The following LRCH2 variants were observed in gnomAD, a reference collection of about 807,000 sequenced individuals.
LRCH2 encodes the protein leucine-rich repeat and calponin homology domain-containing protein 2.
LRCH2 carries 38 observed loss-of-function variants against 68.9 expected under a neutral mutation model. The observed-to-expected ratio is 0.55, with a 90% CI of 0.43 to 0.72. The LOEUF is 0.72. Among genes scored for constraint, LRCH2 ranks in the 30% least tolerant of loss-of-function variants. The pLI, the probability that LRCH2 is intolerant of heterozygous loss-of-function variation, is 0.00. For missense variants in LRCH2, 528 were observed against 572.9 expected, an observed-to-expected ratio of 0.92 and a Z score of 0.80; for synonymous variants, 191 against 208.1, an observed-to-expected ratio of 0.92 and a Z score of 0.71.
chrX:115,170,264 A>G (rs782765537), intron 6 of LRCH2, 35 bp downstream of exon 6: 2 of 1,121,157 alleles, frequency 1.8e-6, no homozygotes, highest in Non-Finnish European at 1.2e-6. Context: ...AGAAGACAGC[A>G]ATCATCAAAT....
chrX:115,191,071 A>C (rs1556558660), intron 1 of LRCH2: 1 of 1,161,419 alleles, frequency 8.6e-7, no homozygotes, highest in Admixed American at 2.6e-5. Context: ...TTACGGCCAG[A>C]GCCACCGCTA....
At chrX:115,114,943 A>G (rs1556523655) in intron 20 of LRCH2, among the ~76,000 whole-genome samples, 1 of 111,105 alleles carries the variant, frequency 9.0e-6, no homozygotes, top group Non-Finnish European at 1.9e-5. Flanking sequence ...AATTAAAGAA[A>G]TAATTATATT....
Position 115,175,150 on chromosome X carries a change from GCTTCATTGAGGTTCAGAAAATGATACCC to G in LRCH2, c.864+4249_864+4276del, listed in dbSNP as rs782789396. Among the ~76,000 whole-genome samples, 9 of 112,024 alleles carry G rather than the reference GCTTCATTGAGGTTCAGAAAATGATACCC, an allele frequency of 8.0e-5. No homozygotes were observed. In the South Asian group the frequency reaches 3.4e-3, roughly 42 times the overall value. On this transcript the variant is annotated intron_variant, in intron 5 of 20. Transcript: ENST00000317135. ...TGGCGTGCCCACAGAGGGCACAAAAGCTTCATTGAGGTTCAGAAAATGATACCCCAAAATGAAAGCCTCAGAAGCAAAG... is the reference window on the plus strand; with the variant it reads ...TGGCGTGCCCACAGAGGGCACAAAAGCAAAATGAAAGCCTCAGAAGCAAAG...
intron 5 of LRCH2, among the ~76,000 whole-genome samples, chrX:115,174,568 A>G (rs891847612): frequency 4.2e-5 from 4 of 95,595 alleles, no homozygotes; most frequent in Non-Finnish European, 8.3e-5. Flanking sequence ...AAGGCTGAAT[A>G]ATATTTCATT....
chrX:115,226,920 A>C (rs782343087), intron 1 of LRCH2, among the ~76,000 whole-genome samples: 1 of 110,980 alleles, frequency 9.0e-6, no homozygotes, highest in Non-Finnish European at 1.9e-5. Context: ...CAAACGACCA[A>C]ATCAAATGTT....
chrX:115,179,766 A>C lies in LRCH2; in HGVS notation c.622-15T>G. ...CAGCTAATATCCTAAGGAGAACAAT[A>C]AAACAGAATTATAACAAGCTAACTG... On this transcript the variant is annotated splice_polypyrimidine_tract_variant and intron_variant, in intron 3 of 20. Coordinates refer to ENST00000317135, the MANE Select transcript of LRCH2 (RefSeq NM_020871.4). 1 of 936,409 alleles carries C rather than the reference A, an allele frequency of 1.1e-6. No homozygotes were observed. The highest frequency in any genetic ancestry group is 1.4e-6 in the Non-Finnish European group (1 of 700,418). 77.2% of individuals were successfully genotyped at this position (936,409 alleles called of 1,213,427 possible). A position where few individuals can be genotyped will look rare whatever the true frequency, so the allele number is the denominator to read the frequency against.
intron 1 of LRCH2, among the ~76,000 whole-genome samples, chrX:115,212,823 A>T (rs1556570292): frequency 9.1e-6 from 1 of 109,884 alleles, no homozygotes; most frequent in Non-Finnish European, 1.9e-5. Flanking sequence ...ATACAAAAAA[A>T]TAGCCGAGTG....
At chrX:115,227,230 G>C (rs1192570625) in intron 1 of LRCH2, among the ~76,000 whole-genome samples, 2 of 107,621 alleles carry the variant, frequency 1.9e-5, no homozygotes, top group African/African-American at 6.8e-5. Flanking sequence ...TAGAGCCTGT[G>C]AACAGCCACT....
At chrX:115,190,508 C>T in intron 1 of LRCH2, 3 of 1,167,764 alleles carry the variant, frequency 2.6e-6, no homozygotes, top group Non-Finnish European at 3.4e-6. Flanking sequence ...TTGCCAGACG[C>T]CTACAGCAGG....
At position 115,127,574 on chromosome X, in the gene LRCH2, G is replaced by A. The variant is rs782547902; in HGVS notation, c.1741-681C>T. 8.1e-5 allele frequency among the ~76,000 whole-genome samples: 9 copies of A among 111,089 alleles called. No homozygotes were observed. In the South Asian group the frequency reaches 3.4e-3, roughly 42 times the overall value. ...GACAGAAATAGATTAATGTATACAG[G>A]TAATACAACATTCTCAGTATAATAC... On this transcript the variant is annotated intron_variant, in intron 15 of 20. Transcript: ENST00000317135.
intron 5 of LRCH2, among the ~76,000 whole-genome samples, chrX:115,178,068 G>C (rs1022098553): frequency 8.9e-6 from 1 of 112,175 alleles, no homozygotes; most frequent in Non-Finnish European, 1.9e-5. Context: ...GTACAAATGG[G>C]ATGGTGCTTC....
At chrX:115,142,374 C>G (rs909821202) in intron 14 of LRCH2, among the ~76,000 whole-genome samples, 1 of 112,181 alleles carries the variant, frequency 8.9e-6, no homozygotes, top group Admixed American at 9.4e-5. Flanking sequence ...TTCTTCTCCT[C>G]AGCACATGGA....
intron 1 of LRCH2, among the ~76,000 whole-genome samples, chrX:115,227,314 C>G (rs1369773486): frequency 9.2e-6 from 1 of 108,282 alleles, no homozygotes; most frequent in Non-Finnish European, 1.9e-5. Context: ...AAAAAAGTCT[C>G]CAGATACTGT....
chrX:115,116,284 A>T (rs2072081884), intron 20 of LRCH2, among the ~76,000 whole-genome samples: 1 of 111,751 alleles, frequency 8.9e-6, no homozygotes, highest in Non-Finnish European at 1.9e-5. Flanking sequence ...CATAATAAAC[A>T]ATGAGTGATA....
intron 16 of LRCH2, 141 bp downstream of exon 16, chrX:115,126,702 G>T (rs782425975): frequency 1.2e-4 from 54 of 439,667 alleles, no homozygotes; most frequent in Non-Finnish European, 1.9e-4. Context: ...AAACTAATCT[G>T]CCACGGATTT....
chrX:115,189,309 A>T, intron 1 of LRCH2: 1 of 610,583 alleles, frequency 1.6e-6, no homozygotes, highest in African/African-American at 2.3e-5. Flanking sequence ...GACGTAAGGT[A>T]CTCTTTTCCT....
chrX:115,125,027 C>A (rs1339545425), intron 16 of LRCH2, among the ~76,000 whole-genome samples: 1 of 110,941 alleles, frequency 9.0e-6, no homozygotes, highest in African/African-American at 3.3e-5. Flanking sequence ...TACTCACCAC[C>A]CTATCCAAAT....
At chrX:115,113,936 T>G (rs1303589533) in intron 20 of LRCH2, among the ~76,000 whole-genome samples, 1 of 111,203 alleles carries the variant, frequency 9.0e-6, no homozygotes, top group Non-Finnish European at 1.9e-5. Flanking sequence ...CACTCTCTTC[T>G]CTTTTACACT....
chrX:115,226,475 T>A (rs1556576275), intron 1 of LRCH2, among the ~76,000 whole-genome samples: 1 of 111,193 alleles, frequency 9.0e-6, no homozygotes. Context: ...AAGAATGGTT[T>A]AGCTACAGTG....
Sources: gnomAD v4.1 joint callset for allele counts (sites outside exome capture counted in the v4.1 genomes callset) on GRCh38, gnomAD v4.1.1 for gene constraint, MANE v1.5 for transcripts, NCBI Gene and HGNC (gene_info 2026-07-23, HGNC 2026-07-21) for gene names.